Variants in EPHA3 observed in about 807,000 individuals in gnomAD.
EPHA3 encodes EPH receptor A3.
EPHA3 carries 42 observed loss-of-function variants against 107.1 expected under a neutral mutation model. The ratio of observed to expected loss-of-function variants is 0.39; its 90% CI spans 0.31 to 0.51. The LOEUF is 0.51. Ranked by LOEUF, EPHA3 falls within the 20% of genes least tolerant of loss-of-function variation. The probability of loss-of-function intolerance (pLI) is 0.78; values close to 1 mark genes in which losing one functional copy is unlikely to be tolerated. For synonymous variants in EPHA3, 461 were observed against 424.8 expected, an observed-to-expected ratio of 1.09 and a Z score of -1.05; for missense variants, 1,183 against 1,211.2, an observed-to-expected ratio of 0.98 and a Z score of 0.35.
chr3:89,313,641 G>A (rs958663491), intron 3 of EPHA3, among the ~76,000 whole-genome samples: 3 of 151,814 alleles, frequency 2.0e-5, no homozygotes, highest in Non-Finnish European at 2.9e-5. Flanking sequence ...TAGGTTCCAT[G>A]CTGTTGTTTC....
intron 13 of EPHA3, among the ~76,000 whole-genome samples, chr3:89,442,135 C>A (rs1709797658): frequency 6.7e-6 from 1 of 149,686 alleles, no homozygotes; most frequent in African/African-American, 2.5e-5. Context: ...GGAAGTTATC[C>A]TAAAAAAGAA....
At chr3:89,247,931 G>T (rs1705073799) in intron 3 of EPHA3, among the ~76,000 whole-genome samples, 1 of 152,062 alleles carries the variant, frequency 6.6e-6, no homozygotes, top group South Asian at 2.1e-4. Flanking sequence ...ATGCTTAAAA[G>T]AATTTTCACT....
intron 3 of EPHA3, among the ~76,000 whole-genome samples, chr3:89,244,220 T>A (rs1202244479): frequency 6.6e-6 from 1 of 152,080 alleles, no homozygotes; most frequent in Non-Finnish European, 1.5e-5. Context: ...TCAAACAGAT[T>A]TTTAAGCCAA....
intron 3 of EPHA3, among the ~76,000 whole-genome samples, chr3:89,277,207 C>T (rs1705827862): frequency 6.6e-6 from 1 of 152,094 alleles, no homozygotes; most frequent in South Asian, 2.1e-4. Flanking sequence ...GTTTCTTCAT[C>T]TCAATGCAAA....
At chr3:89,140,960 T>C (rs557416899) in intron 2 of EPHA3, among the ~76,000 whole-genome samples, 1 of 151,656 alleles carries the variant, frequency 6.6e-6, no homozygotes. Context: ...GCTTTCGATA[T>C]ATCATTTCAT....
intron 2 of EPHA3, among the ~76,000 whole-genome samples, chr3:89,155,928 T>G (rs1030080238): frequency 6.6e-6 from 1 of 151,990 alleles, no homozygotes; most frequent in Non-Finnish European, 1.5e-5. Flanking sequence ...TCTTTCAACA[T>G]GAGAAAACAA....
chr3:89,329,427 TC>T (rs1707242547), intron 3 of EPHA3, among the ~76,000 whole-genome samples: 1 of 152,122 alleles, frequency 6.6e-6, no homozygotes, highest in Non-Finnish European at 1.5e-5. Context: ...TCCTAATGTG[TC>T]CCAGTTATTT....
chr3:89,203,889 GA>G (rs1204959942), intron 2 of EPHA3, among the ~76,000 whole-genome samples: 1 of 152,100 alleles, frequency 6.6e-6, no homozygotes, highest in Admixed American at 6.5e-5. Flanking sequence ...GGGTATTAAG[GA>G]ACTAGAAGAC....
intron 3 of EPHA3, among the ~76,000 whole-genome samples, chr3:89,281,834 G>T (rs779496054): frequency 6.6e-6 from 1 of 152,074 alleles, no homozygotes; most frequent in Non-Finnish European, 1.5e-5. Context: ...CATCTCTCTC[G>T]ATTTTATGCG....
intron 6 of EPHA3, among the ~76,000 whole-genome samples, chr3:89,398,927 C>G (rs1283377156): frequency 6.6e-6 from 1 of 152,058 alleles, no homozygotes; most frequent in Non-Finnish European, 1.5e-5. Flanking sequence ...GTCAGCAGTT[C>G]AAGACCAGCC....
intron 3 of EPHA3, among the ~76,000 whole-genome samples, chr3:89,256,286 G>A (rs529164363): frequency 2.0e-5 from 3 of 151,850 alleles, no homozygotes; most frequent in African/African-American, 7.2e-5. Flanking sequence ...GGTGGCTCAC[G>A]CCTGTAATTC....
chr3:89,360,748 A>C (rs1249703515), intron 5 of EPHA3, among the ~76,000 whole-genome samples: 1 of 151,130 alleles, frequency 6.6e-6, no homozygotes, highest in African/African-American at 2.4e-5. Context: ...TCTTATAACT[A>C]TACTCATGTT....
intron 5 of EPHA3, among the ~76,000 whole-genome samples, chr3:89,355,577 T>C (rs1466987461): frequency 6.6e-6 from 1 of 151,066 alleles, no homozygotes; most frequent in Admixed American, 6.6e-5. Context: ...TGCAATTTTG[T>C]TTAGAAATGA....
chr3:89,454,106 G>C (rs531396277), intron 15 of EPHA3, among the ~76,000 whole-genome samples: 7 of 152,178 alleles, frequency 4.6e-5, no homozygotes, highest in African/African-American at 1.7e-4. Flanking sequence ...GAATCTCCAG[G>C]AAAAGAGAAT....
intron 11 of EPHA3, among the ~76,000 whole-genome samples, chr3:89,421,474 C>T (rs893128583): frequency 1.3e-5 from 2 of 150,792 alleles, no homozygotes; most frequent in African/African-American, 4.9e-5. Context: ...CTTCTATCAC[C>T]CAGAGAGTGA....
At chr3:89,147,665 C>G (rs1480648553) in intron 2 of EPHA3, among the ~76,000 whole-genome samples, 1 of 151,722 alleles carries the variant, frequency 6.6e-6, no homozygotes, top group Non-Finnish European at 1.5e-5. Context: ...AATGTACCCC[C>G]TAGAAAAAGG....
intron 13 of EPHA3, among the ~76,000 whole-genome samples, chr3:89,433,459 A>G (rs1386296753): frequency 6.6e-6 from 1 of 152,172 alleles, no homozygotes; most frequent in East Asian, 1.9e-4. Context: ...ACTGAATAAT[A>G]ATGACACAAT....
chr3:89,178,171 A>G (rs1032568911), intron 2 of EPHA3, among the ~76,000 whole-genome samples: 11 of 152,146 alleles, frequency 7.2e-5, no homozygotes, highest in Non-Finnish European at 2.9e-5. Flanking sequence ...TTCCCCTGGC[A>G]TGATGATTCT....
chr3:89,175,918 GT>G (rs1005703807), intron 2 of EPHA3, among the ~76,000 whole-genome samples: 1 of 151,974 alleles, frequency 6.6e-6, no homozygotes, highest in Non-Finnish European at 1.5e-5. Context: ...TGTTATTGTT[GT>G]TTTTTTACAG....
Sources: allele counts gnomAD v4.1 joint callset (sites outside exome capture counted in the v4.1 genomes callset), GRCh38; gene constraint gnomAD v4.1.1; transcripts MANE v1.5; gene names NCBI Gene and HGNC (gene_info 2026-07-23, HGNC 2026-07-21).